ENTREP2: variants seen among roughly 807,000 people sequenced by gnomAD.
The protein encoded by ENTREP2 is endosomal transmembrane epsin interactor 2.
chr15:29,318,622 A>G, the ENTREP2 span, among the ~76,000 whole-genome samples: 2 of 152,208 alleles, frequency 1.3e-5, no homozygotes, highest in South Asian at 4.1e-4. Flanking sequence ...GCCCGGCCAA[A>G]TTAAGGTATG....
At chr15:29,498,421 A>G in the ENTREP2 span, among the ~76,000 whole-genome samples, 2 of 152,136 alleles carry the variant, frequency 1.3e-5, no homozygotes, top group African/African-American at 4.8e-5. Flanking sequence ...TGATTTCCAC[A>G]TATTTGTAAT....
At chr15:29,170,307 CAAAAAAAA>C in the ENTREP2 span, among the ~76,000 whole-genome samples, 532 of 57,420 alleles carry the variant, frequency 9.3e-3, 2 homozygotes, top group Admixed American at 0.026. Context: ...GACTCCATCT[CAAAAAAAA>C]AAAAAAAAAA....
At chr15:29,371,513 T>C in the ENTREP2 span, among the ~76,000 whole-genome samples, 1 of 152,002 alleles carries the variant, frequency 6.6e-6, no homozygotes, top group Non-Finnish European at 1.5e-5. Flanking sequence ...AATAATGACC[T>C]AGATGATTAA....
the ENTREP2 span, among the ~76,000 whole-genome samples, chr15:29,398,710 C>T: frequency 3.3e-5 from 5 of 152,254 alleles, no homozygotes; most frequent in Non-Finnish European, 1.5e-5. Context: ...GGTGACAGAG[C>T]GAGACTCCGT....
the ENTREP2 span, among the ~76,000 whole-genome samples, chr15:29,152,205 A>G: frequency 1.3e-5 from 2 of 152,216 alleles, no homozygotes; most frequent in Non-Finnish European, 2.9e-5. Context: ...TTATCTTGAG[A>G]TAATTGTATA....
chr15:29,417,649 T>C, the ENTREP2 span, among the ~76,000 whole-genome samples: 1 of 151,544 alleles, frequency 6.6e-6, no homozygotes, highest in African/African-American at 2.4e-5. Flanking sequence ...ATAATAATAA[T>C]AAAATTTAAA....
the ENTREP2 span, among the ~76,000 whole-genome samples, chr15:29,385,012 T>C: frequency 2.0e-5 from 3 of 152,144 alleles, no homozygotes; most frequent in South Asian, 4.1e-4. Context: ...TCTTCAACCA[T>C]GGCCCCACCC....
chr15:29,125,583 A>G, the ENTREP2 span, among the ~76,000 whole-genome samples: 18 of 152,270 alleles, frequency 1.2e-4, no homozygotes, highest in South Asian at 3.7e-3. Flanking sequence ...CACTTCATGA[A>G]AAGTCCCCAC....
At chr15:29,302,058 T>C in the ENTREP2 span, among the ~76,000 whole-genome samples, 2 of 152,188 alleles carry the variant, frequency 1.3e-5, no homozygotes, top group Non-Finnish European at 2.9e-5. Flanking sequence ...CTATGCATAT[T>C]GAAGCTCTAA....
At chr15:29,164,342 T>C in the ENTREP2 span, among the ~76,000 whole-genome samples, 6 of 152,136 alleles carry the variant, frequency 3.9e-5, no homozygotes, top group African/African-American at 1.4e-4. Context: ...ACATCTCAAT[T>C]CCAACATTGA....
At chr15:29,376,939 C>G in the ENTREP2 span, 1 of 152,300 alleles carries the variant, frequency 6.6e-6, no homozygotes, top group Non-Finnish European at 1.5e-5. Flanking sequence ...GCTGCAAAGA[C>G]CTTGGAGCTG....
the ENTREP2 span, among the ~76,000 whole-genome samples, chr15:29,640,669 A>G: frequency 6.7e-6 from 1 of 150,092 alleles, no homozygotes; most frequent in Non-Finnish European, 1.5e-5. Context: ...AAAACAAAAC[A>G]AAACAAAAAA....
At chr15:29,453,344 C>T in the ENTREP2 span, among the ~76,000 whole-genome samples, 1 of 152,350 alleles carries the variant, frequency 6.6e-6, no homozygotes, top group African/African-American at 2.4e-5. Flanking sequence ...CTGTGCCTCA[C>T]AAGCAGTGTA....
At chr15:29,318,696 C>T in the ENTREP2 span, among the ~76,000 whole-genome samples, 4 of 152,178 alleles carry the variant, frequency 2.6e-5, no homozygotes, top group Non-Finnish European at 4.4e-5. Context: ...GTAATCGTAA[C>T]TTTGATATGC....
chr15:29,136,774 A>G, the ENTREP2 span, among the ~76,000 whole-genome samples: 2 of 151,982 alleles, frequency 1.3e-5, no homozygotes, highest in Admixed American at 6.6e-5. Context: ...TAAACTGTAC[A>G]TGTTACACAA....
chr15:29,533,926 A>G, the ENTREP2 span, among the ~76,000 whole-genome samples: 2 of 151,934 alleles, frequency 1.3e-5, no homozygotes, highest in Non-Finnish European at 2.9e-5. Flanking sequence ...TTTGCTTTAC[A>G]TCTATTCCAT....
chr15:29,329,372 A>T, the ENTREP2 span, among the ~76,000 whole-genome samples: 1 of 152,184 alleles, frequency 6.6e-6, no homozygotes, highest in African/African-American at 2.4e-5. Flanking sequence ...CAAAAAAAAA[A>T]AAAAAAGTAT....
the ENTREP2 span, among the ~76,000 whole-genome samples, chr15:29,283,422 C>T: frequency 1.3e-5 from 2 of 152,136 alleles, no homozygotes; most frequent in African/African-American, 2.4e-5. Context: ...GAGCATAGCT[C>T]ACTGTAACCT....
chr15:29,548,093 G>C, the ENTREP2 span, among the ~76,000 whole-genome samples: 2 of 152,114 alleles, frequency 1.3e-5, no homozygotes, highest in African/African-American at 4.8e-5. Flanking sequence ...AGTTTCTCAA[G>C]ATGAAAAAGT....
Sources: allele counts gnomAD v4.1 joint callset (sites outside exome capture counted in the v4.1 genomes callset), GRCh38; gene constraint gnomAD v4.1.1; transcripts MANE v1.5; gene names NCBI Gene and HGNC (gene_info 2026-07-23, HGNC 2026-07-21).